Variants in GALNT17 observed in about 807,000 individuals in gnomAD.
GALNT17 encodes UDP-GalNAc:polypeptide N-acetylgalactosaminyltransferase-like 3.
GALNT17 carries 29 observed loss-of-function variants against 63.7 expected under a neutral mutation model. The ratio of observed to expected loss-of-function variants is 0.46; its 90% confidence interval spans 0.34 to 0.62. GALNT17 has a LOEUF of 0.62. Ranked by LOEUF, GALNT17 falls within the 20% of genes least tolerant of loss-of-function variation. GALNT17 has a pLI of 0.01. For missense variants in GALNT17, 603 were observed against 799.6 expected, an observed-to-expected ratio of 0.75 and a Z score of 2.97; for synonymous variants, 305 against 318.3, an observed-to-expected ratio of 0.96 and a Z score of 0.45.
chr7:71,699,867 A>C (rs985084238), intron 9 of GALNT17, among the ~76,000 whole-genome samples: 1 of 152,044 alleles, frequency 6.6e-6, no homozygotes, highest in Non-Finnish European at 1.5e-5. Context: ...CAGGAGTTGG[A>C]GGCTGCAATT....
intron 2 of GALNT17, among the ~76,000 whole-genome samples, chr7:71,368,238 T>A (rs1792551619): frequency 6.6e-6 from 1 of 152,258 alleles, no homozygotes; most frequent in Non-Finnish European, 1.5e-5. Context: ...ACACTGGGAC[T>A]TCCCATGACT....
intron 1 of GALNT17, among the ~76,000 whole-genome samples, chr7:71,156,579 G>GTCCTTCCTTCCTTCCT (rs61515412): frequency 0.014 from 1,934 of 139,872 alleles, 50 homozygotes; most frequent in Admixed American, 0.029. Flanking sequence ...CACATGAGAT[G>GTCCTTCCTTCCTTCCT]TCCTTCCTTC....
intron 1 of GALNT17, among the ~76,000 whole-genome samples, chr7:71,244,051 G>GTGCC (rs1466426616): frequency 6.6e-6 from 1 of 152,186 alleles, no homozygotes. Context: ...GGCGTTTTCT[G>GTGCC]TGCCTGTGTT....
At chr7:71,543,126 T>C (rs1007083453) in intron 5 of GALNT17, among the ~76,000 whole-genome samples, 9 of 152,316 alleles carry the variant, frequency 5.9e-5, no homozygotes, top group African/African-American at 1.2e-4. Context: ...GTTTGAGTTA[T>C]GGTTTCATTT....
At chr7:71,174,148 C>A (rs879008807) in intron 1 of GALNT17, among the ~76,000 whole-genome samples, 1 of 152,152 alleles carries the variant, frequency 6.6e-6, no homozygotes, top group Admixed American at 6.5e-5. Flanking sequence ...GGATACGTAA[C>A]CCATAGCCTC....
In GALNT17 at chr7:71,272,146, T is replaced by G. The variant is rs189920579; in HGVS notation, c.239-63404T>G. On this transcript the variant is annotated intron_variant, in intron 1 of 10. Transcript: ENST00000333538. ...TATGTAACCTTTGGGGCCTGGCTTC[T>G]TTCACTTGAATGATTTTGATACATG... Among the ~76,000 whole-genome samples, 10 of 152,368 alleles carry G rather than the reference T, an allele frequency of 6.6e-5. No homozygotes were observed. The East Asian group carries it at 1.9e-3, about 29-fold the overall frequency.
At chr7:71,375,532 A>T (rs1329895857) in intron 2 of GALNT17, among the ~76,000 whole-genome samples, 1 of 152,156 alleles carries the variant, frequency 6.6e-6, no homozygotes, top group Non-Finnish European at 1.5e-5. Flanking sequence ...CTCTCACCTC[A>T]GCCTTCCAGG....
At chr7:71,259,649 T>TTTG (rs1554345431) in intron 1 of GALNT17, among the ~76,000 whole-genome samples, 3 of 148,040 alleles carry the variant, frequency 2.0e-5, no homozygotes, top group Non-Finnish European at 4.5e-5. Context: ...TTTTTTTGTT[T>TTTG]TTTTTTTTTT....
Position 71,299,289 on chromosome 7 carries a change from C to G in GALNT17, c.239-36261C>G, listed in dbSNP as rs143077331. ...TGGATGGTGTTTTAATCCGCTGGGA[C>G]TAAATGATTCTGTCATAAATCCTTG... On this transcript the variant is annotated intron_variant, in intron 1 of 10. Transcript: ENST00000333538. 3.6e-3 allele frequency among the ~76,000 whole-genome samples: 546 copies of G among 152,282 alleles called. 3 individuals are homozygous for G. Among genetic ancestry groups the G allele is most frequent in the South Asian group, 0.019 (93 of 4,826 alleles).
At chr7:71,269,570 A>G (rs1790549422) in intron 1 of GALNT17, among the ~76,000 whole-genome samples, 1 of 152,126 alleles carries the variant, frequency 6.6e-6, no homozygotes, top group Admixed American at 6.5e-5. Flanking sequence ...TGGAGGAAGT[A>G]TGGAGGGCCA....
At chr7:71,175,912 C>T (rs971347996) in intron 1 of GALNT17, among the ~76,000 whole-genome samples, 1 of 152,028 alleles carries the variant, frequency 6.6e-6, no homozygotes, top group African/African-American at 2.4e-5. Context: ...AAAAAAGAGA[C>T]AATGTTTATT....
intron 1 of GALNT17, among the ~76,000 whole-genome samples, chr7:71,203,940 G>A (rs187511050): frequency 1.6e-4 from 24 of 152,180 alleles, no homozygotes; most frequent in African/African-American, 5.8e-4. Context: ...CTCATTTGTT[G>A]ATTTTTGCTT....
In GALNT17 at chr7:71,145,007, T is replaced by C. The variant is rs186168286; in HGVS notation, c.238+11967T>C. Among the ~76,000 whole-genome samples, 531 of 152,164 alleles carry C rather than the reference T, an allele frequency of 3.5e-3. 2 individuals are homozygous for C. The highest frequency in any genetic ancestry group is 5.6e-3 in the South Asian group (27 of 4,818). On this transcript the variant is annotated intron_variant, in intron 1 of 10. Transcript: ENST00000333538. ...CCTCCCAAAATGCTGGGAATACAGGTGTGAGCCACTGTGCCCATCTTGGGC... is the reference window on the plus strand; with the variant it reads ...CCTCCCAAAATGCTGGGAATACAGGCGTGAGCCACTGTGCCCATCTTGGGC...
chr7:71,457,827 G>A (rs1001330500), intron 5 of GALNT17, among the ~76,000 whole-genome samples: 1 of 152,116 alleles, frequency 6.6e-6, no homozygotes. Flanking sequence ...GTGACTTAGA[G>A]CGCCTTAACT....
chr7:71,203,859 G>C (rs62457784), intron 1 of GALNT17, among the ~76,000 whole-genome samples: 1 of 152,064 alleles, frequency 6.6e-6, no homozygotes, highest in Non-Finnish European at 1.5e-5. Context: ...TTTTCTCCCC[G>C]TCCATGGGTT....
chr7:71,415,765 T>C (rs1173084196), intron 3 of GALNT17, 124 bp from the exon 4 acceptor site: 2 of 1,108,424 alleles, frequency 1.8e-6, no homozygotes, highest in African/African-American at 3.2e-5. Flanking sequence ...TCTGCCAGAA[T>C]TACTAACATG....
chr7:71,186,427 C>T (rs1562896368), intron 1 of GALNT17, among the ~76,000 whole-genome samples: 1 of 152,220 alleles, frequency 6.6e-6, no homozygotes, highest in Non-Finnish European at 1.5e-5. Context: ...CTAAGCTGAG[C>T]GGGGCCTCTG....
chr7:71,654,758 C>T (rs1790803547), intron 6 of GALNT17, among the ~76,000 whole-genome samples: 1 of 152,124 alleles, frequency 6.6e-6, no homozygotes, highest in Non-Finnish European at 1.5e-5. Flanking sequence ...CACAGGCTTT[C>T]ACCGGGAGGG....
rs559161766 is a variant in GALNT17 at position 71,682,381 on chromosome 7, T to G, written c.1500+5075T>G. Among the ~76,000 whole-genome samples, 7 of 151,760 alleles carry G rather than the reference T, an allele frequency of 4.6e-5. No individual in the cohort carries two copies. The South Asian group carries it at 1.5e-3, about 32-fold the overall frequency. On this transcript the variant is annotated intron_variant, in intron 9 of 10. Transcript: ENST00000333538. Reference sequence around the variant, plus strand: ...GTGATGCCTACACCTCCAGACATAGTCTGGGGCAGACTGCTGTGAACTTGA... The same window carrying G: ...GTGATGCCTACACCTCCAGACATAGGCTGGGGCAGACTGCTGTGAACTTGA...
Sources: allele counts gnomAD v4.1 joint callset (sites outside exome capture counted in the v4.1 genomes callset), GRCh38; gene constraint gnomAD v4.1.1; transcripts MANE v1.5; gene names NCBI Gene and HGNC (gene_info 2026-07-23, HGNC 2026-07-21).